CNTLN: variants seen among roughly 807,000 people sequenced by gnomAD.
The protein encoded by CNTLN is centlein, centrosomal protein.
In CNTLN, 212 loss-of-function variants were observed where a neutral mutation model predicts 180.0. That is an observed-to-expected ratio of 1.18 (90% CI 1.05 to 1.32). CNTLN has a LOEUF of 1.32. Ranked by LOEUF, CNTLN falls within the 40% of genes most tolerant of loss-of-function variation. The probability of loss-of-function intolerance (pLI) is 0.00; values close to 1 mark genes in which losing one functional copy is unlikely to be tolerated. For synonymous variants in CNTLN, 722 were observed against 563.1 expected (o/e 1.28, Z -3.99); for missense variants, 2,095 against 1,610.9 (o/e 1.30, Z -5.14).
At chr9:17,453,339 C>G (rs1032575425) in intron 18 of CNTLN, among the ~76,000 whole-genome samples, 25 of 151,738 alleles carry the variant, frequency 1.6e-4, no homozygotes, top group African/African-American at 6.1e-4. Flanking sequence ...GTTTGTAAAG[C>G]AATTGAATAA....
chr9:17,461,043 A>G (rs935130264), intron 19 of CNTLN, among the ~76,000 whole-genome samples: 2 of 151,604 alleles, frequency 1.3e-5, no homozygotes, highest in Non-Finnish European at 3.0e-5. Flanking sequence ...AGAAAAGCAC[A>G]GTCTGGGACC....
intron 2 of CNTLN, among the ~76,000 whole-genome samples, chr9:17,211,629 T>C (rs1823320267): frequency 6.6e-6 from 1 of 152,338 alleles, no homozygotes; most frequent in African/African-American, 2.4e-5. Context: ...GCATTGAATC[T>C]ATAAATTACC....
intron 12 of CNTLN, among the ~76,000 whole-genome samples, chr9:17,364,383 C>T (rs1823637124): frequency 6.6e-6 from 1 of 151,984 alleles, no homozygotes; most frequent in Non-Finnish European, 1.5e-5. Context: ...TTGAACCCAT[C>T]CATTGAGTTT....
chr9:17,264,744 G>T (rs888023202), intron 5 of CNTLN, among the ~76,000 whole-genome samples: 1 of 152,082 alleles, frequency 6.6e-6, no homozygotes, highest in Non-Finnish European at 1.5e-5. Context: ...TCTCCTTGAA[G>T]AGGTCCTTCA....
At chr9:17,300,828 A>G (rs1378072837) in intron 7 of CNTLN, 1 of 243,264 alleles carries the variant, frequency 4.1e-6, no homozygotes, top group Non-Finnish European at 6.6e-6. Context: ...CCATGTTTTT[A>G]TTCCTTGAAC....
At chr9:17,248,894 ATTTC>A (rs1409126530) in intron 5 of CNTLN, among the ~76,000 whole-genome samples, 6 of 151,784 alleles carry the variant, frequency 4.0e-5, no homozygotes, top group Non-Finnish European at 8.8e-5. Context: ...AATCATTTTT[ATTTC>A]TTTATAGTTA....
At chr9:17,343,494 A>C (rs1821639996) in intron 12 of CNTLN, among the ~76,000 whole-genome samples, 1 of 152,190 alleles carries the variant, frequency 6.6e-6, no homozygotes, top group Non-Finnish European at 1.5e-5. Context: ...TTTTGAGGAA[A>C]TGACTAGACC....
intron 18 of CNTLN, among the ~76,000 whole-genome samples, chr9:17,434,642 C>G (rs757667302): frequency 1.3e-5 from 2 of 151,954 alleles, no homozygotes; most frequent in Non-Finnish European, 2.9e-5. Flanking sequence ...TATGGTCTAT[C>G]TTGTTGAATA....
chr9:17,299,327 T>A (rs1818186345), intron 7 of CNTLN: 1 of 270,314 alleles, frequency 3.7e-6, no homozygotes, highest in South Asian at 1.4e-4. Flanking sequence ...ATAAATAATG[T>A]AGTTTATATA....
chr9:17,381,082 T>C (rs961832313), intron 13 of CNTLN, among the ~76,000 whole-genome samples: 1 of 152,188 alleles, frequency 6.6e-6, no homozygotes, highest in Non-Finnish European at 1.5e-5. Flanking sequence ...CTATGGAGGA[T>C]TGGGGTAGTA....
At chr9:17,188,380 C>G (rs961167401) in intron 2 of CNTLN, among the ~76,000 whole-genome samples, 3 of 152,040 alleles carry the variant, frequency 2.0e-5, no homozygotes, top group Non-Finnish European at 4.4e-5. Flanking sequence ...AGATAGTTTT[C>G]AAAAACTATG....
chr9:17,498,415 C>G (rs1025405395), intron 25 of CNTLN, among the ~76,000 whole-genome samples: 3 of 152,068 alleles, frequency 2.0e-5, no homozygotes, highest in African/African-American at 7.2e-5. Flanking sequence ...TAAAGGTAAA[C>G]TTCTGTAGGT....
chr9:17,502,867 C>T lies in CNTLN; in HGVS notation c.*215C>T, dbSNP rs936605388. On this transcript the variant is annotated 3_prime_UTR_variant, in exon 26 of 26. Transcript: ENST00000380647. Reference sequence around the variant, plus strand: ...AGGAAATAGTGTAGCATCTGATGGTCGAATACAAATATTGCCACAAATCAG... The same window carrying T: ...AGGAAATAGTGTAGCATCTGATGGTTGAATACAAATATTGCCACAAATCAG... The T allele has an allele frequency of 1.5e-5, 4 of 260,296 alleles. No individual in the cohort carries two copies. Among genetic ancestry groups the T allele is most frequent in the East Asian group, 1.6e-4 (2 of 12,440 alleles). The allele number at this position is 260,296 out of a possible 1,614,324, so 16.1% of individuals were successfully genotyped here. A position where few individuals can be genotyped will look rare whatever the true frequency, so the allele number is the denominator to read the frequency against.
chr9:17,477,023 C>T (rs1044592467), intron 23 of CNTLN, among the ~76,000 whole-genome samples: 3 of 152,022 alleles, frequency 2.0e-5, no homozygotes, highest in African/African-American at 7.2e-5. Context: ...AAGTTGAAGC[C>T]GATGCTCATT....
At chr9:17,221,696 C>A (rs932507407) in intron 2 of CNTLN, among the ~76,000 whole-genome samples, 1 of 152,026 alleles carries the variant, frequency 6.6e-6, no homozygotes, top group Non-Finnish European at 1.5e-5. Context: ...GCCCTCAGTA[C>A]TGCCTGTTCA....
At chr9:17,149,286 A>G (rs1323802437) in intron 2 of CNTLN, among the ~76,000 whole-genome samples, 3 of 152,138 alleles carry the variant, frequency 2.0e-5, no homozygotes, top group Admixed American at 6.5e-5. Context: ...ATATGTGTGC[A>G]TGAGTCTTTA....
chr9:17,463,489 A>T (rs1353537816), intron 20 of CNTLN, among the ~76,000 whole-genome samples: 4 of 151,696 alleles, frequency 2.6e-5, no homozygotes, highest in African/African-American at 9.6e-5. Flanking sequence ...CTGAATCAAA[A>T]TTATTTTCTT....
rs4961438 is a variant in CNTLN at position 17,379,997 on chromosome 9, C to G, written c.1988-8165C>G. 0.025 allele frequency among the ~76,000 whole-genome samples: 3,878 copies of G among 152,250 alleles called. 207 individuals carry two copies. In the East Asian group the frequency reaches 0.26, roughly 10 times the overall value. ...GTCAAGAGCTTAGCTGAACTGGAGA[C>G]AGCTGAAATGCCAGGTGTATGAATA... On this transcript the variant is annotated intron_variant, in intron 13 of 25. Coordinates refer to ENST00000380647, the MANE Select transcript of CNTLN (RefSeq NM_017738.4).
chr9:17,425,131 C>G (rs1038325819), intron 18 of CNTLN, among the ~76,000 whole-genome samples: 1 of 152,102 alleles, frequency 6.6e-6, no homozygotes, highest in Admixed American at 6.6e-5. Context: ...TTGATTATCT[C>G]TCAATGTTTG....
Sources: allele counts gnomAD v4.1 joint callset (sites outside exome capture counted in the v4.1 genomes callset), GRCh38; gene constraint gnomAD v4.1.1; transcripts MANE v1.5; gene names NCBI Gene and HGNC (gene_info 2026-07-23, HGNC 2026-07-21).